The following KCNMA1 variants were observed in gnomAD, a reference collection of about 807,000 sequenced individuals.
The protein encoded by KCNMA1 is Calcium-activated potassium channel subunit alpha-1.
A neutral mutation model predicts 140.0 loss-of-function variants in KCNMA1; 29 were observed. The ratio of observed to expected loss-of-function variants is 0.21; its 90% CI spans 0.15 to 0.28. The LOEUF is 0.28. Among genes scored for constraint, KCNMA1 ranks in the 10% least tolerant of loss-of-function variants. The pLI, the probability that KCNMA1 is intolerant of heterozygous loss-of-function variation, is 1.00. For synonymous variants in KCNMA1, 612 were observed against 611.9 expected (o/e 1.00, Z 0.00); for missense variants, 880 against 1,602.2 (o/e 0.55, Z 7.70).
At chr10:77,106,452 C>A (rs937672112) in intron 9 of KCNMA1, among the ~76,000 whole-genome samples, 2 of 152,104 alleles carry the variant, frequency 1.3e-5, no homozygotes, top group African/African-American at 4.8e-5. Flanking sequence ...GGCTGAGAGC[C>A]CCATCTGGGT....
At chr10:76,959,002 C>T (rs1178231675) in intron 20 of KCNMA1, among the ~76,000 whole-genome samples, 2 of 152,110 alleles carry the variant, frequency 1.3e-5, no homozygotes, top group African/African-American at 2.4e-5. Context: ...AAAAGCATCC[C>T]GCCATTATTT....
At chr10:76,901,005 A>C (rs949529315) in intron 25 of KCNMA1, among the ~76,000 whole-genome samples, 1 of 152,160 alleles carries the variant, frequency 6.6e-6, no homozygotes, top group Admixed American at 6.5e-5. Flanking sequence ...CTATAACAAA[A>C]ATTTTTTAAA....
chr10:77,197,850 T>G (rs2041086746), intron 3 of KCNMA1, among the ~76,000 whole-genome samples: 2 of 151,476 alleles, frequency 1.3e-5, no homozygotes, highest in Non-Finnish European at 2.9e-5. Flanking sequence ...ATGAGAGAGG[T>G]GAGTTACTTC....
At chr10:77,531,935 C>T (rs2057727605) in intron 1 of KCNMA1, among the ~76,000 whole-genome samples, 1 of 152,264 alleles carries the variant, frequency 6.6e-6, no homozygotes, top group East Asian at 1.9e-4. Flanking sequence ...TCTCTCTGCC[C>T]ACGTGGCACT....
At chr10:77,030,794 C>T (rs2093880094) in intron 15 of KCNMA1, among the ~76,000 whole-genome samples, 1 of 152,182 alleles carries the variant, frequency 6.6e-6, no homozygotes, top group African/African-American at 2.4e-5. Flanking sequence ...GAGTCCTCTT[C>T]CAGTTTTAAA....
intron 1 of KCNMA1, among the ~76,000 whole-genome samples, chr10:77,523,949 A>C (rs1045729175): frequency 1.3e-5 from 2 of 152,170 alleles, no homozygotes; most frequent in Non-Finnish European, 2.9e-5. Context: ...AAAGAATGTA[A>C]CTGGATTGTT....
chr10:77,366,817 G>C (rs1303902755), intron 2 of KCNMA1, among the ~76,000 whole-genome samples: 1 of 152,190 alleles, frequency 6.6e-6, no homozygotes, highest in Non-Finnish European at 1.5e-5. Context: ...GGCATCTTCT[G>C]TTCTTGGAAA....
intron 1 of KCNMA1, among the ~76,000 whole-genome samples, chr10:77,536,509 G>T (rs1413640724): frequency 3.9e-5 from 6 of 152,134 alleles, no homozygotes; most frequent in African/African-American, 1.4e-4. Context: ...AAAGCTAAGG[G>T]CTTCATACCT....
At chr10:77,569,173 C>T (rs1253243293) in intron 1 of KCNMA1, among the ~76,000 whole-genome samples, 1 of 85,342 alleles carries the variant, frequency 1.2e-5, no homozygotes, top group African/African-American at 4.3e-5. Flanking sequence ...AGGTAATTTA[C>T]AGATTCAATG....
At chr10:77,137,371 G>A (rs58148425) in intron 5 of KCNMA1, among the ~76,000 whole-genome samples, 117 of 152,266 alleles carry the variant, frequency 7.7e-4, no homozygotes, top group African/African-American at 2.3e-3. Flanking sequence ...GCAGCCCCAC[G>A]CAAATCCTGA....
At chr10:77,237,145 A>T (rs1303233396) in intron 3 of KCNMA1, among the ~76,000 whole-genome samples, 1 of 152,244 alleles carries the variant, frequency 6.6e-6, no homozygotes, top group Non-Finnish European at 1.5e-5. Flanking sequence ...TTCAAAACAG[A>T]CCTCAAAAAG....
At chr10:77,075,302 G>T (rs559603596) in intron 13 of KCNMA1, among the ~76,000 whole-genome samples, 31 of 152,282 alleles carry the variant, frequency 2.0e-4, no homozygotes, top group African/African-American at 7.2e-4. Context: ...CCTGGGCATC[G>T]TAGAGAACAC....
intron 2 of KCNMA1, among the ~76,000 whole-genome samples, chr10:77,365,769 T>C (rs1464672071): frequency 6.6e-6 from 1 of 152,230 alleles, no homozygotes; most frequent in East Asian, 1.9e-4. Context: ...CTTTGTGCTC[T>C]GTGATGGTTC....
intron 25 of KCNMA1, among the ~76,000 whole-genome samples, chr10:76,897,589 T>A (rs1444552868): frequency 2.0e-5 from 3 of 152,092 alleles, no homozygotes; most frequent in Non-Finnish European, 4.4e-5. Context: ...TTAATTTTTT[T>A]AAATACTTAG....
At chr10:77,449,041 C>A (rs984976516) in intron 1 of KCNMA1, among the ~76,000 whole-genome samples, 26 of 150,426 alleles carry the variant, frequency 1.7e-4, no homozygotes, top group Admixed American at 5.3e-4. Flanking sequence ...GAGCCGAGAT[C>A]GCATCACTGC....
At chr10:77,357,489 T>C (rs2093596259) in intron 2 of KCNMA1, among the ~76,000 whole-genome samples, 1 of 152,240 alleles carries the variant, frequency 6.6e-6, no homozygotes, top group Non-Finnish European at 1.5e-5. Flanking sequence ...CAAAACCTTG[T>C]CTTGTATATT....
chr10:77,068,889 AC>A, intron 14 of KCNMA1, among the ~76,000 whole-genome samples: 1 of 98,776 alleles, frequency 1.0e-5, no homozygotes. Context: ...ACACACACAC[AC>A]ACACACACAC....
chr10:77,273,542 A>T (rs545248536), intron 2 of KCNMA1, among the ~76,000 whole-genome samples: 21 of 152,242 alleles, frequency 1.4e-4, no homozygotes, highest in Non-Finnish European at 2.8e-4. Context: ...TGGAATGGAT[A>T]TAAAAGAGAT....
intron 2 of KCNMA1, among the ~76,000 whole-genome samples, chr10:77,327,009 T>C (rs895972389): frequency 2.8e-4 from 42 of 151,936 alleles, no homozygotes; most frequent in African/African-American, 8.7e-4. Context: ...ATGGAAGAAA[T>C]TGGGACTTAT....
Sources: allele counts gnomAD v4.1 joint callset (sites outside exome capture counted in the v4.1 genomes callset), GRCh38; gene constraint gnomAD v4.1.1; transcripts MANE v1.5; gene names NCBI Gene and HGNC (gene_info 2026-07-23, HGNC 2026-07-21).